Variants in NEGR1 observed in about 807,000 individuals in gnomAD.
NEGR1 encodes the protein IgLON family member 4.
In NEGR1, 10 loss-of-function variants were observed where a neutral mutation model predicts 40.9. The ratio of observed to expected loss-of-function variants is 0.24; its 90% CI spans 0.15 to 0.42. NEGR1 has a LOEUF of 0.42. NEGR1 is among the 10% of genes least tolerant of loss of function. NEGR1 has a pLI of 1.00. For missense variants in NEGR1, 352 were observed against 438.9 expected (o/e 0.80, Z 1.77); for synonymous variants, 185 against 166.8 (o/e 1.11, Z -0.84).
intron 3 of NEGR1, among the ~76,000 whole-genome samples, chr1:71,698,894 T>C (rs558230866): frequency 1.3e-5 from 2 of 151,878 alleles, no homozygotes; most frequent in African/African-American, 4.8e-5. Context: ...TTTGAGAAAA[T>C]AAAGGCTCCT....
At chr1:72,192,377 T>C (rs933422712) in intron 1 of NEGR1, among the ~76,000 whole-genome samples, 6 of 151,834 alleles carry the variant, frequency 4.0e-5, no homozygotes, top group Non-Finnish European at 8.8e-5. Context: ...CAATTTATCT[T>C]CTGCTGTAAA....
intron 6 of NEGR1, among the ~76,000 whole-genome samples, chr1:71,443,522 A>G (rs929554835): frequency 1.3e-5 from 2 of 152,226 alleles, no homozygotes; most frequent in Admixed American, 1.3e-4. Flanking sequence ...GTGTTTTCAC[A>G]GTACAAGTGC....
chr1:71,760,184 G>A (rs951152467), intron 3 of NEGR1, among the ~76,000 whole-genome samples: 8 of 152,064 alleles, frequency 5.3e-5, no homozygotes, highest in Non-Finnish European at 1.2e-4. Flanking sequence ...GAAATGTTTG[G>A]TGGGTTCCTC....
intron 6 of NEGR1, among the ~76,000 whole-genome samples, chr1:71,418,053 C>G (rs1205877636): frequency 6.8e-6 from 1 of 146,652 alleles, no homozygotes; most frequent in African/African-American, 2.5e-5. Flanking sequence ...TCCCCACGTA[C>G]TATTCTGTGT....
At chr1:72,274,036 G>T (rs1655952671) in intron 1 of NEGR1, among the ~76,000 whole-genome samples, 2 of 144,420 alleles carry the variant, frequency 1.4e-5, no homozygotes, top group Non-Finnish European at 1.5e-5. Flanking sequence ...GCTTTATTTT[G>T]CAGTATAGAA....
chr1:71,555,463 A>C (rs1443609407), intron 6 of NEGR1, among the ~76,000 whole-genome samples: 1 of 151,592 alleles, frequency 6.6e-6, no homozygotes, highest in Non-Finnish European at 1.5e-5. Flanking sequence ...ACATTTTTAG[A>C]ACATTTAATA....
intron 4 of NEGR1, among the ~76,000 whole-genome samples, chr1:71,634,119 A>G (rs1467389578): frequency 1.3e-5 from 2 of 152,100 alleles, no homozygotes; most frequent in Non-Finnish European, 2.9e-5. Context: ...CCAAGAATGC[A>G]GCTTTAGGTC....
At chr1:71,900,524 C>T (rs970692809) in intron 2 of NEGR1, among the ~76,000 whole-genome samples, 1 of 151,974 alleles carries the variant, frequency 6.6e-6, no homozygotes, top group Non-Finnish European at 1.5e-5. Flanking sequence ...ATATTCAAAT[C>T]ATCTTAATTG....
intron 6 of NEGR1, among the ~76,000 whole-genome samples, chr1:71,427,891 A>G (rs1646439505): frequency 6.6e-6 from 1 of 152,236 alleles, no homozygotes; most frequent in Non-Finnish European, 1.5e-5. Context: ...TATGAGCCAT[A>G]CAAAGAGAAT....
At chr1:72,012,050 G>A (rs1435174701) in intron 1 of NEGR1, among the ~76,000 whole-genome samples, 1 of 152,020 alleles carries the variant, frequency 6.6e-6, no homozygotes, top group East Asian at 1.9e-4. Context: ...CAATGTGGAA[G>A]GCGTATTTTC....
chr1:71,423,311 C>G (rs1308011252), intron 6 of NEGR1, among the ~76,000 whole-genome samples: 1 of 152,100 alleles, frequency 6.6e-6, no homozygotes, highest in Non-Finnish European at 1.5e-5. Flanking sequence ...GAGAGGATTG[C>G]TTGAGCCCAG....
chr1:71,677,878 A>G (rs1652698903), intron 4 of NEGR1, among the ~76,000 whole-genome samples: 1 of 152,186 alleles, frequency 6.6e-6, no homozygotes, highest in African/African-American at 2.4e-5. Context: ...TTAAGCATAA[A>G]TCAACGTTTG....
intron 2 of NEGR1, among the ~76,000 whole-genome samples, chr1:71,877,158 A>C (rs140381384): frequency 1.1e-3 from 168 of 151,924 alleles, no homozygotes; most frequent in Middle Eastern, 3.4e-3. Flanking sequence ...CAAAACAAAA[A>C]AAAAACAAAA....
chr1:71,570,560 T>G (rs1051955215), intron 6 of NEGR1, among the ~76,000 whole-genome samples: 2 of 152,172 alleles, frequency 1.3e-5, no homozygotes, highest in Non-Finnish European at 2.9e-5. Flanking sequence ...TATTTGTTAA[T>G]GCATACTTCC....
chr1:72,107,062 G>A (rs149431509), intron 1 of NEGR1, among the ~76,000 whole-genome samples: 23 of 151,782 alleles, frequency 1.5e-4, no homozygotes, highest in African/African-American at 4.8e-4. Flanking sequence ...TGTATACAAT[G>A]ATTTAAATGA....
At chr1:71,417,927 G>A (rs1389656045) in intron 6 of NEGR1, among the ~76,000 whole-genome samples, 1 of 152,110 alleles carries the variant, frequency 6.6e-6, no homozygotes, top group Non-Finnish European at 1.5e-5. Context: ...CAGTAACAAT[G>A]ACACCAACAA....
At chr1:71,454,525 C>T (rs969005133) in intron 6 of NEGR1, among the ~76,000 whole-genome samples, 1 of 148,644 alleles carries the variant, frequency 6.7e-6, no homozygotes, top group Non-Finnish European at 1.5e-5. Flanking sequence ...GGATAATTTA[C>T]AATTTATCCA....
chr1:72,098,112 A>G lies in NEGR1; in HGVS notation c.177-162801T>C, dbSNP rs184167364. 1.8e-3 allele frequency among the ~76,000 whole-genome samples: 274 copies of G among 152,244 alleles called. 1 individual carries two copies. Among genetic ancestry groups the G allele is most frequent in the Non-Finnish European group, 1.7e-3 (116 of 68,018 alleles). On this transcript the variant is annotated intron_variant, in intron 1 of 6. Coordinates refer to ENST00000357731, the MANE Select transcript of NEGR1 (RefSeq NM_173808.3). ...TGCATAGCCCCTGTCCTATAAAATG[A>G]TGGAATAATTGATCTTTTAACAGGA...
intron 2 of NEGR1, among the ~76,000 whole-genome samples, chr1:71,910,580 CT>C (rs1013603733): frequency 1.3e-4 from 20 of 152,158 alleles, no homozygotes; most frequent in East Asian, 1.9e-4. Flanking sequence ...CCTACCATTA[CT>C]GTTAATTAAT....
Sources: allele counts gnomAD v4.1 joint callset (sites outside exome capture counted in the v4.1 genomes callset), GRCh38; gene constraint gnomAD v4.1.1; transcripts MANE v1.5; gene names NCBI Gene and HGNC (gene_info 2026-07-23, HGNC 2026-07-21).